ASIC2: variants seen among roughly 807,000 people sequenced by gnomAD.
ASIC2 encodes the protein acid-sensing ion channel 2.
A neutral mutation model predicts 57.3 loss-of-function variants in ASIC2; 25 were observed. That is an observed-to-expected ratio of 0.44 (90% CI 0.32 to 0.61). The LOEUF (loss-of-function observed/expected upper bound fraction) is 0.61, where lower values mean the gene tolerates loss of function less well. ASIC2 is among the 20% of genes least tolerant of loss of function. The pLI, the probability that ASIC2 is intolerant of heterozygous loss-of-function variation, is 0.06. For missense variants in ASIC2, 641 were observed against 738.1 expected, an observed-to-expected ratio of 0.87 and a Z score of 1.52; for synonymous variants, 319 against 307.5, an observed-to-expected ratio of 1.04 and a Z score of -0.39.
At chr17:34,002,635 C>A (rs914537095) in intron 1 of ASIC2, 3 of 152,212 alleles carry the variant, frequency 2.0e-5, no homozygotes, top group Non-Finnish European at 2.9e-5. Flanking sequence ...CCAACATCTT[C>A]ATTTTGTTTC....
At chr17:33,164,559 C>T (rs552282366) in intron 1 of ASIC2, among the ~76,000 whole-genome samples, 115 of 140,750 alleles carry the variant, frequency 8.2e-4, no homozygotes, top group Non-Finnish European at 1.3e-3. Flanking sequence ...AAACAGCTGT[C>T]CCAAAAGCAC....
intron 1 of ASIC2, among the ~76,000 whole-genome samples, chr17:33,809,872 A>G (rs1180162887): frequency 6.6e-6 from 1 of 152,210 alleles, no homozygotes; most frequent in African/African-American, 2.4e-5. Flanking sequence ...GCTGAACCTG[A>G]ACTAGGTCTT....
intron 1 of ASIC2, among the ~76,000 whole-genome samples, chr17:33,162,497 G>T (rs970063622): frequency 2.0e-5 from 3 of 152,136 alleles, no homozygotes; most frequent in African/African-American, 7.2e-5. Flanking sequence ...GCTTGCCTGG[G>T]TTCATGCTCC....
intron 1 of ASIC2, among the ~76,000 whole-genome samples, chr17:33,577,908 G>A (rs1346539882): frequency 6.6e-6 from 1 of 152,128 alleles, no homozygotes; most frequent in African/African-American, 2.4e-5. Flanking sequence ...TGGTGCTTGA[G>A]GTGTGAGTTG....
chr17:33,898,582 G>A (rs754934014), intron 1 of ASIC2, among the ~76,000 whole-genome samples: 12 of 151,990 alleles, frequency 7.9e-5, no homozygotes, highest in Admixed American at 1.3e-4. Context: ...AATCAAAACC[G>A]GGAAATTAAC....
chr17:33,419,293 G>A (rs1031966379), intron 1 of ASIC2, among the ~76,000 whole-genome samples: 2 of 152,208 alleles, frequency 1.3e-5, no homozygotes, highest in South Asian at 4.1e-4. Flanking sequence ...ATGATGGGAA[G>A]CAGCTTAGAG....
intron 1 of ASIC2, among the ~76,000 whole-genome samples, chr17:33,207,543 C>A: frequency 6.6e-6 from 1 of 152,294 alleles, no homozygotes; most frequent in Non-Finnish European, 1.5e-5. Flanking sequence ...ACAAACCAGA[C>A]CATCTTCATC....
chr17:33,165,188 G>A (rs568174269), intron 1 of ASIC2, among the ~76,000 whole-genome samples: 2 of 152,320 alleles, frequency 1.3e-5, no homozygotes, highest in East Asian at 1.9e-4. Flanking sequence ...TGTGCCAGAT[G>A]TTTGTCTACC....
intron 1 of ASIC2, among the ~76,000 whole-genome samples, chr17:33,859,230 C>T (rs2141922470): frequency 6.6e-6 from 1 of 152,276 alleles, no homozygotes; most frequent in Middle Eastern, 3.4e-3. Flanking sequence ...AATAACATGT[C>T]CAAGTTCAAA....
At chr17:33,762,487 G>A (rs904473261) in intron 1 of ASIC2, among the ~76,000 whole-genome samples, 1 of 152,154 alleles carries the variant, frequency 6.6e-6, no homozygotes, top group Non-Finnish European at 1.5e-5. Context: ...GCAGAAACAT[G>A]ATGACCAGAC....
At chr17:33,755,214 G>A (rs1475711961) in intron 1 of ASIC2, among the ~76,000 whole-genome samples, 1 of 152,154 alleles carries the variant, frequency 6.6e-6, no homozygotes, top group Non-Finnish European at 1.5e-5. Context: ...ACAAGCCAAG[G>A]AATGCTGGCA....
At chr17:33,658,438 CT>C (rs966659860) in intron 1 of ASIC2, among the ~76,000 whole-genome samples, 3 of 152,306 alleles carry the variant, frequency 2.0e-5, no homozygotes, top group Non-Finnish European at 2.9e-5. Flanking sequence ...GCAGTTTGCT[CT>C]GGAATGGGAG....
intron 1 of ASIC2, among the ~76,000 whole-genome samples, chr17:34,020,917 T>A (rs556192641): frequency 2.4e-4 from 36 of 152,224 alleles, no homozygotes; most frequent in Admixed American, 7.2e-4. Flanking sequence ...ATTGGTTATA[T>A]AACAATAGAA....
chr17:34,039,365 C>T, intron 1 of ASIC2: 1 of 1,613,906 alleles, frequency 6.2e-7, no homozygotes. Flanking sequence ...AAGCAGAGGC[C>T]AGCTCCCCTT....
At chr17:33,710,246 A>T (rs1908985816) in intron 1 of ASIC2, among the ~76,000 whole-genome samples, 1 of 152,250 alleles carries the variant, frequency 6.6e-6, no homozygotes, top group African/African-American at 2.4e-5. Context: ...CACCACAGGT[A>T]AAGAAGCTCC....
At chr17:33,102,969 G>C (rs2092218386) in intron 2 of ASIC2, among the ~76,000 whole-genome samples, 2 of 152,074 alleles carry the variant, frequency 1.3e-5, no homozygotes, top group Non-Finnish European at 2.9e-5. Context: ...ATTTTCAGTA[G>C]AGACAGGGTT....
Position 33,013,321 on chromosome 17 carries a change from C to T in ASIC2, c.*644G>A, listed in dbSNP as rs908566629. The T allele has an allele frequency of 6.5e-6, 1 of 153,896 alleles. No individual in the cohort carries two copies. The highest frequency in any genetic ancestry group is 6.4e-5 in the Admixed American group (1 of 15,720). 9.5% of individuals were successfully genotyped at this position (153,896 alleles called of 1,614,324 possible). On this transcript the variant is annotated 3_prime_UTR_variant, in exon 10 of 10. Transcript: ENST00000225823. ...CAGGGAGAGAAGAACGACATGGGCA[C>T]CATGGGTGAACACAGGCGTCCCCCA...
At chr17:33,449,437 C>G (rs1912164007) in intron 1 of ASIC2, among the ~76,000 whole-genome samples, 1 of 152,196 alleles carries the variant, frequency 6.6e-6, no homozygotes, top group African/African-American at 2.4e-5. Context: ...GTCATTATCA[C>G]CTGTTTGCTT....
At chr17:33,941,288 C>T (rs2141978818) in intron 1 of ASIC2, among the ~76,000 whole-genome samples, 1 of 152,288 alleles carries the variant, frequency 6.6e-6, no homozygotes, top group East Asian at 1.9e-4. Context: ...ATCCCTCTCC[C>T]AGACGCCCTC....
Sources: allele counts gnomAD v4.1 joint callset (sites outside exome capture counted in the v4.1 genomes callset), GRCh38; gene constraint gnomAD v4.1.1; transcripts MANE v1.5; gene names NCBI Gene and HGNC (gene_info 2026-07-23, HGNC 2026-07-21).